The following LAMP1 variants were observed in gnomAD, a reference collection of about 807,000 sequenced individuals.
The protein encoded by LAMP1 is lysosome-associated membrane glycoprotein 1.
A neutral mutation model predicts 37.5 loss-of-function variants in LAMP1; 7 were observed. The observed-to-expected ratio is 0.19, with a 90% confidence interval of 0.11 to 0.35. The LOEUF (loss-of-function observed/expected upper bound fraction) is 0.35. LAMP1 is among the 10% of genes least tolerant of loss of function. The pLI is 1.00. For synonymous variants in LAMP1, 236 were observed against 229.1 expected, an observed-to-expected ratio of 1.03 and a Z score of -0.27; for missense variants, 537 against 552.8, an observed-to-expected ratio of 0.97 and a Z score of 0.29.
intron 1 of LAMP1, among the ~76,000 whole-genome samples, chr13:113,301,639 AAAAAAATATATATATATATATAT>A (rs1169026847): frequency 0.026 from 806 of 31,154 alleles, 60 homozygotes; most frequent in Admixed American, 0.048. Context: ...AAAAAAAAAA[AAAAAAATATATATATATATATAT>A]ATATATATAT....
In LAMP1 at chr13:113,321,354, C is replaced by A; in HGVS notation, c.877-50C>A. On this transcript the variant is annotated intron_variant, in intron 6 of 8. Coordinates refer to ENST00000332556, the MANE Select transcript of LAMP1 (RefSeq NM_005561.4). The surrounding 1 kb of genome is among the most constrained non-coding windows in gnomAD (Gnocchi z 5.6). The stretch of plus-strand genomic sequence containing the variant: ...GTGTGAATCTACTGGGGTTAAAGAT[C>A]ATCTTTCTATGAATCTGCTCCGTGA... 1 of 1,450,834 alleles carries A rather than the reference C, an allele frequency of 6.9e-7. No homozygotes were observed. The allele number at this position is 1,450,834 out of a possible 1,614,324, so 89.9% of individuals were successfully genotyped here. A position where few individuals can be genotyped will look rare whatever the true frequency, so the allele number is the denominator to read the frequency against.
intron 1 of LAMP1, among the ~76,000 whole-genome samples, chr13:113,300,310 G>A (rs191294061): frequency 1.3e-5 from 2 of 151,928 alleles, no homozygotes; most frequent in East Asian, 1.9e-4. Context: ...GTGAAACCCC[G>A]TCTCTACTAA....
chr13:113,307,388 C>A (rs997721497), intron 2 of LAMP1, among the ~76,000 whole-genome samples: 1 of 150,746 alleles, frequency 6.6e-6, no homozygotes, highest in Non-Finnish European at 1.5e-5. Context: ...AAACTCCTGA[C>A]CTCAAGTGAT....
intron 8 of LAMP1, 177 bp from the exon 9 acceptor site, chr13:113,322,105 G>A (rs1270623899): frequency 3.3e-5 from 23 of 694,082 alleles, no homozygotes; most frequent in Non-Finnish European, 5.3e-5. Flanking sequence ...TCCTCGCCGT[G>A]CAGAGAGCAC....
chr13:113,313,151 C>G (rs866925479), intron 4 of LAMP1, among the ~76,000 whole-genome samples: 1 of 152,230 alleles, frequency 6.6e-6, no homozygotes, highest in Middle Eastern at 3.4e-3. Flanking sequence ...ATGGCATGAC[C>G]GCTCACTCAC....
chr13:113,316,211 C>T (rs1209061871), intron 4 of LAMP1, among the ~76,000 whole-genome samples: 2 of 152,164 alleles, frequency 1.3e-5, no homozygotes, highest in East Asian at 3.9e-4. Flanking sequence ...GGATTTCCAG[C>T]CCAGGCCCAT....
chr13:113,305,457 G>T (rs1488118306), intron 1 of LAMP1: 1 of 152,180 alleles, frequency 6.6e-6, no homozygotes, highest in South Asian at 2.1e-4. Context: ...GTGTAATAAC[G>T]TGCAATTTGT....
intron 4 of LAMP1, among the ~76,000 whole-genome samples, chr13:113,316,064 C>T (rs2042662147): frequency 6.6e-6 from 1 of 152,172 alleles, no homozygotes. Context: ...GATCATGCTA[C>T]TGCACTCCAG....
intron 4 of LAMP1, among the ~76,000 whole-genome samples, chr13:113,314,919 C>G (rs1289945122): frequency 6.0e-5 from 5 of 83,298 alleles, no homozygotes; most frequent in East Asian, 4.5e-4. Context: ...TGGAGATGCC[C>G]GTGTGCCTGG....
At chr13:113,300,538 G>A (rs1013936004) in intron 1 of LAMP1, among the ~76,000 whole-genome samples, 1 of 151,836 alleles carries the variant, frequency 6.6e-6, no homozygotes, top group Admixed American at 6.6e-5. Flanking sequence ...TGGGTGTGGT[G>A]GCTCATGCCT....
Position 113,322,509 on chromosome 13 carries a change from G to A in LAMP1, c.*88G>A. 2 of 1,312,048 alleles carry A rather than the reference G, an allele frequency of 1.5e-6. No homozygotes were observed. 81.3% of individuals were successfully genotyped at this position (1,312,048 alleles called of 1,614,324 possible). ...TGTCGAAGGGGAGGCACACTTTCTG[G>A]CAAACGTTTCTCAAATCTGCTTCAT... is the stretch of plus-strand genomic sequence containing the variant. On this transcript the variant is annotated 3_prime_UTR_variant, in exon 9 of 9. Transcript: ENST00000332556.
chr13:113,300,899 A>T (rs1230396050), intron 1 of LAMP1, among the ~76,000 whole-genome samples: 1 of 152,196 alleles, frequency 6.6e-6, no homozygotes, highest in Non-Finnish European at 1.5e-5. Context: ...GGAAAGAATG[A>T]ATTTGTCAGC....
chr13:113,319,694 C>A (rs377759076), intron 5 of LAMP1, 38 bp downstream of exon 5: 2 of 1,583,882 alleles, frequency 1.3e-6, no homozygotes, highest in African/African-American at 2.7e-5. Context: ...GGGGACGGCA[C>A]GGTAGGGCTG....
Position 113,321,562 on chromosome 13 carries a change from G to A in LAMP1, c.949G>A (p.Ala317Thr). 2 of 1,614,170 alleles carry A rather than the reference G, an allele frequency of 1.2e-6. No homozygotes were observed. The highest frequency in any genetic ancestry group is 2.7e-5 in the African/African-American group (2 of 75,034). Residue 317 changes from alanine to threonine, a missense_variant, in exon 8 of 9, where the codon GCC becomes ACC. Physicochemically the swap from Ala to Thr is moderately conservative, Grantham distance 58. Transcript: ENST00000332556. The surrounding 1 kb of genome is among the most constrained non-coding windows in gnomAD (Gnocchi z 5.6). ...GACCTCTGTGTGTGTTGCAGACCCT[G>A]CCTTTAAAGCTGCCAACGGCTCCCT... ...NTILPDARDP[A>T]FKAANGSLRA...
chr13:113,308,088 C>T (rs1343254516), intron 2 of LAMP1, among the ~76,000 whole-genome samples: 2 of 152,074 alleles, frequency 1.3e-5, no homozygotes, highest in African/African-American at 2.4e-5. Context: ...GATCTCGGCT[C>T]ACTGTGTCTT....
Position 113,307,149 on chromosome 13 carries a change from A to C in LAMP1, c.183+543A>C, listed in dbSNP as rs78520254. 0.014 allele frequency among the ~76,000 whole-genome samples: 1,304 copies of C among 95,554 alleles called. 68 individuals are homozygous for C. In the East Asian group the frequency reaches 0.2, roughly 14 times the overall value. The allele number at this position is 95,554 out of a possible 152,430, so 62.7% of individuals were successfully genotyped here. Reference sequence around the variant, plus strand: ...CCACCGCGCCCAGCCTATCATCAACATTTTTCTAGTTTTCTTTTTTTTTTT... The same window carrying C: ...CCACCGCGCCCAGCCTATCATCAACCTTTTTCTAGTTTTCTTTTTTTTTTT... On this transcript the variant is annotated intron_variant, in intron 2 of 8. Coordinates refer to ENST00000332556, the MANE Select transcript of LAMP1 (RefSeq NM_005561.4).
At chr13:113,302,153 AC>A (rs1269188453) in intron 1 of LAMP1, among the ~76,000 whole-genome samples, 1 of 150,054 alleles carries the variant, frequency 6.7e-6, no homozygotes, top group Non-Finnish European at 1.5e-5. Context: ...GGTAGCCACC[AC>A]ACCCAGCCTA....
chr13:113,307,814 C>T (rs1338781452), intron 2 of LAMP1, among the ~76,000 whole-genome samples: 1 of 120,424 alleles, frequency 8.3e-6, no homozygotes, highest in African/African-American at 3.0e-5. Context: ...AAAAAAAAAG[C>T]CAGACATGGT....
At chr13:113,303,049 C>G (rs1008411858) in intron 1 of LAMP1, among the ~76,000 whole-genome samples, 1 of 152,236 alleles carries the variant, frequency 6.6e-6, no homozygotes, top group African/African-American at 2.4e-5. Flanking sequence ...TGGGAACCCT[C>G]TGTACCTGTG....
Sources: allele counts gnomAD v4.1 joint callset (sites outside exome capture counted in the v4.1 genomes callset), GRCh38; gene constraint gnomAD v4.1.1; non-coding constraint Gnocchi (gnomAD v3.1); transcripts MANE v1.5; gene names NCBI Gene and HGNC (gene_info 2026-07-23, HGNC 2026-07-21).